The following GBP7 variants were observed in gnomAD, a reference collection of about 807,000 sequenced individuals.
GBP7 encodes guanylate binding protein 7.
In GBP7, 43 loss-of-function variants were observed where a neutral mutation model predicts 61.3. The ratio of observed to expected loss-of-function variants is 0.70; its 90% CI spans 0.55 to 0.91. The LOEUF is 0.91. GBP7 is among the 40% of genes least tolerant of loss of function. GBP7 has a pLI of 0.00. For missense variants in GBP7, 717 were observed against 740.5 expected, an observed-to-expected ratio of 0.97 and a Z score of 0.37; for synonymous variants, 267 against 271.0, an observed-to-expected ratio of 0.99 and a Z score of 0.14.
intron 3 of GBP7, 28 bp from the exon 4 acceptor site, chr1:89,152,805 A>T (rs76910160): frequency 8.7e-7 from 1 of 1,152,108 alleles, no homozygotes; most frequent in Non-Finnish European, 1.3e-6. Context: ...AAAAAAAAAA[A>T]TGGAAGCCAC....
At chr1:89,160,219 A>G (rs1682408244) in intron 3 of GBP7, among the ~76,000 whole-genome samples, 1 of 152,112 alleles carries the variant, frequency 6.6e-6, no homozygotes, top group Admixed American at 6.5e-5. Context: ...TGTGGGGTGG[A>G]GGGAGTGTGG....
At chr1:89,167,043 C>T (rs1179973290) in intron 2 of GBP7, among the ~76,000 whole-genome samples, 1 of 152,210 alleles carries the variant, frequency 6.6e-6, no homozygotes, top group Non-Finnish European at 1.5e-5. Context: ...ATTTGGTATG[C>T]ATATGGTCCC....
At chr1:89,153,288 G>A (rs1402251583) in intron 3 of GBP7, among the ~76,000 whole-genome samples, 1 of 152,116 alleles carries the variant, frequency 6.6e-6, no homozygotes, top group Non-Finnish European at 1.5e-5. Context: ...TTCAGCTGTA[G>A]TATATATAGC....
chr1:89,141,482 G>T, intron 9 of GBP7, 64 bp downstream of exon 9: 1 of 1,392,026 alleles, frequency 7.2e-7, no homozygotes, highest in South Asian at 1.2e-5. Flanking sequence ...CCTTTTTTCT[G>T]AACATCAAGA....
chr1:89,139,849 G>A (rs1681891716), intron 9 of GBP7, among the ~76,000 whole-genome samples: 1 of 152,194 alleles, frequency 6.6e-6, no homozygotes, highest in Non-Finnish European at 1.5e-5. Context: ...TGGTGGGACT[G>A]TAAACTAGTT....
At chr1:89,167,809 C>G (rs994095958) in intron 2 of GBP7, among the ~76,000 whole-genome samples, 1 of 152,206 alleles carries the variant, frequency 6.6e-6, no homozygotes, top group Non-Finnish European at 1.5e-5. Context: ...GGACCAGGTA[C>G]ATTGTGAAAC....
chr1:89,135,206 A>T (rs980861884), intron 9 of GBP7, among the ~76,000 whole-genome samples: 1 of 152,238 alleles, frequency 6.6e-6, no homozygotes, highest in African/African-American at 2.4e-5. Context: ...TTACATAAAG[A>T]GACCAAACCT....
intron 9 of GBP7, among the ~76,000 whole-genome samples, chr1:89,137,178 GA>G (rs1238513919): frequency 1.3e-5 from 2 of 151,846 alleles, no homozygotes; most frequent in Non-Finnish European, 1.5e-5. Flanking sequence ...CTACCAAGCA[GA>G]AAAAGCCCTA....
Position 89,164,814 on chromosome 1 carries a change from A to G in GBP7, c.235T>C (p.Trp79Arg). ...CTVKSETKGI[W>R]MWCVPHPSKP... ...GAGGGGTGGGGCACACACCACATCC[A>G]GATGCCTTTGGTTTCAGACTTCACT... Residue 79 changes from tryptophan (W) to arginine (R), a missense_variant, in exon 3 of 11, where the codon TGG becomes CGG. By Grantham distance (101) the Trp-to-Arg change is moderately radical. This residue lies in a region of GBP7 where 387 missense variants were observed against 385.2 expected (regional missense o/e 1.00). Coordinates refer to ENST00000294671, the MANE Select transcript of GBP7 (RefSeq NM_207398.3). 6.2e-7 allele frequency: 1 copy of G among 1,613,992 alleles called. No homozygotes were observed. Among genetic ancestry groups the G allele is most frequent in the Non-Finnish European group, 8.5e-7 (1 of 1,179,894 alleles).
intron 3 of GBP7, among the ~76,000 whole-genome samples, chr1:89,164,115 C>T (rs1355223868): frequency 1.3e-5 from 2 of 152,180 alleles, no homozygotes; most frequent in African/African-American, 4.8e-5. Flanking sequence ...GATGGTCCAC[C>T]CGCCTCGGCC....
chr1:89,145,252 A>G (rs1447233916), intron 8 of GBP7, among the ~76,000 whole-genome samples: 2 of 152,068 alleles, frequency 1.3e-5, no homozygotes, highest in African/African-American at 4.8e-5. Flanking sequence ...TGCCTAGCTG[A>G]CTTTCGCTCT....
rs1178733681 is a variant in GBP7 at position 89,131,928 on chromosome 1, C to G, written c.*221G>C. 2.6e-6 allele frequency: 1 copy of G among 390,232 alleles called. No homozygotes were observed. The highest frequency in any genetic ancestry group is 2.1e-5 in the African/African-American group (1 of 47,988). 24.2% of individuals were successfully genotyped at this position (390,232 alleles called of 1,614,324 possible). A position where few individuals can be genotyped will look rare whatever the true frequency, so the allele number is the denominator to read the frequency against. On this transcript the variant is annotated 3_prime_UTR_variant, in exon 11 of 11. Transcript: ENST00000294671. The stretch of plus-strand genomic sequence containing the variant: ...CTTTATATTACCATTTGTCCTTTTG[C>G]TTTACTTAAATCTTTTCTAGGAATA...
Position 89,149,348 on chromosome 1 carries a change from C to T in GBP7, c.1096G>A (p.Val366Ile). 6.2e-7 allele frequency: 1 copy of T among 1,614,090 alleles called. No individual in the cohort carries two copies. The highest frequency in any genetic ancestry group is 8.5e-7 in the Non-Finnish European group (1 of 1,179,988). ...HAVCEREAIAVFMEYSFKDKS... is the reference protein window; with the variant it reads ...HAVCEREAIAIFMEYSFKDKS... ...TCTTTGAAGGAGTACTCCATGAAGA[C>T]TGCAATGGCTTCCCTCTCACAAACT... is the stretch of plus-strand genomic sequence containing the variant. Residue 366 changes from valine (V) to isoleucine (I), a missense_variant, in exon 7 of 11, where the codon GTC becomes ATC. By Grantham distance (29) the Val-to-Ile change is conservative. Transcript: ENST00000294671.
intron 3 of GBP7, among the ~76,000 whole-genome samples, chr1:89,161,990 C>T (rs1171080187): frequency 6.7e-6 from 1 of 150,050 alleles, no homozygotes; most frequent in Non-Finnish European, 1.5e-5. Context: ...CTGCATATGG[C>T]TAGCCTGTTA....
intron 2 of GBP7, 152 bp from the exon 3 acceptor site, chr1:89,165,010 T>C (rs1199533427): frequency 1.4e-6 from 1 of 731,438 alleles, no homozygotes; most frequent in Admixed American, 3.0e-5. Context: ...TCTTTATTTG[T>C]ATAAATGACT....
intron 9 of GBP7, among the ~76,000 whole-genome samples, chr1:89,139,915 C>T (rs1222117650): frequency 2.0e-5 from 3 of 152,074 alleles, no homozygotes; most frequent in African/African-American, 7.2e-5. Context: ...CTAGAAATAC[C>T]ATTTGACCCA....
intron 3 of GBP7, among the ~76,000 whole-genome samples, chr1:89,156,914 C>T (rs1009727289): frequency 1.3e-5 from 2 of 152,194 alleles, no homozygotes; most frequent in African/African-American, 4.8e-5. Context: ...CTTCTCAGCA[C>T]CACATCGCAC....
chr1:89,144,312 A>G (rs1682018337), intron 8 of GBP7, among the ~76,000 whole-genome samples: 1 of 152,142 alleles, frequency 6.6e-6, no homozygotes, highest in Non-Finnish European at 1.5e-5. Flanking sequence ...TGTCTTTGCT[A>G]TTGTGAATAG....
At chr1:89,144,770 A>G (rs1682028296) in intron 8 of GBP7, among the ~76,000 whole-genome samples, 1 of 152,052 alleles carries the variant, frequency 6.6e-6, no homozygotes, top group Non-Finnish European at 1.5e-5. Flanking sequence ...CTACTCTCTT[A>G]GCAAATTTCT....
Sources: allele counts gnomAD v4.1 joint callset (sites outside exome capture counted in the v4.1 genomes callset), GRCh38; gene constraint gnomAD v4.1.1; regional missense constraint gnomAD v4.1.1; transcripts MANE v1.5; gene names NCBI Gene and HGNC (gene_info 2026-07-23, HGNC 2026-07-21).